Variants in CUL5 observed in about 807,000 individuals in gnomAD.
The protein encoded by CUL5 is cullin 5.
CUL5 carries 26 observed loss-of-function variants against 108.8 expected under a neutral mutation model. The observed-to-expected ratio is 0.24, with a 90% CI of 0.18 to 0.33. The LOEUF (loss-of-function observed/expected upper bound fraction) is 0.33, where lower values mean the gene tolerates loss of function less well. Ranked by LOEUF, CUL5 falls within the 10% of genes least tolerant of loss-of-function variation. The pLI, the probability that CUL5 is intolerant of heterozygous loss-of-function variation, is 1.00. For missense variants in CUL5, 524 were observed against 909.2 expected, an observed-to-expected ratio of 0.58 and a Z score of 5.45; for synonymous variants, 334 against 298.0, an observed-to-expected ratio of 1.12 and a Z score of -1.25.
At chr11:108,033,043 G>A (rs1251766766) in intron 1 of CUL5, among the ~76,000 whole-genome samples, 1 of 152,142 alleles carries the variant, frequency 6.6e-6, no homozygotes, top group Non-Finnish European at 1.5e-5. Context: ...AAGGCTCATA[G>A]CATTTAGTGA....
chr11:108,088,435 TG>T lies in CUL5; in HGVS notation c.1179-91del, dbSNP rs1163696823. ...AACCTGATCACTAGATTATTTAACATGAGAAATTCGCTTGTGAATCATTGAC... is the reference window on the plus strand; with the variant it reads ...AACCTGATCACTAGATTATTTAACATAGAAATTCGCTTGTGAATCATTGAC... On this transcript the variant is annotated intron_variant, in intron 11 of 18. Coordinates refer to ENST00000393094, the MANE Select transcript of CUL5 (RefSeq NM_003478.6). 40 of 1,295,114 alleles carry T rather than the reference TG, an allele frequency of 3.1e-5. No individual in the cohort carries two copies. In the African/African-American group the frequency reaches 6.0e-4, roughly 19 times the overall value. 80.2% of individuals were successfully genotyped at this position (1,295,114 alleles called of 1,614,324 possible). A position where few individuals can be genotyped will look rare whatever the true frequency, so the allele number is the denominator to read the frequency against.
At chr11:108,073,303 A>C in intron 9 of CUL5, 87 bp from the exon 10 acceptor site, 1 of 636,504 alleles carries the variant, frequency 1.6e-6, no homozygotes, top group Non-Finnish European at 2.7e-6. Flanking sequence ...GTTTTAAATG[A>C]GTTTTATTAA....
chr11:108,036,460 A>G (rs1408258282), intron 2 of CUL5, among the ~76,000 whole-genome samples: 3 of 151,990 alleles, frequency 2.0e-5, no homozygotes, highest in African/African-American at 7.2e-5. Flanking sequence ...TCATCTTTCA[A>G]CCCCCCACTT....
chr11:108,094,618 T>G, intron 14 of CUL5, 104 bp downstream of exon 14: 1 of 827,394 alleles, frequency 1.2e-6, no homozygotes, highest in Non-Finnish European at 1.8e-6. Flanking sequence ...TCGAAAGATG[T>G]TATGAAGTCC....
At chr11:108,068,134 T>G (rs1591312200) in intron 7 of CUL5, among the ~76,000 whole-genome samples, 1 of 152,106 alleles carries the variant, frequency 6.6e-6, no homozygotes, top group African/African-American at 2.4e-5. Context: ...GTCAGGCTGG[T>G]CTTGAACTCC....
chr11:108,075,712 G>A (rs2135193969), intron 10 of CUL5, among the ~76,000 whole-genome samples: 1 of 152,202 alleles, frequency 6.6e-6, no homozygotes, highest in Middle Eastern at 3.4e-3. Context: ...GGTTTTTAAA[G>A]TTTTTCTATA....
At chr11:108,062,359 A>T (rs1233379141) in intron 7 of CUL5, among the ~76,000 whole-genome samples, 4 of 151,938 alleles carry the variant, frequency 2.6e-5, no homozygotes, top group Non-Finnish European at 5.9e-5. Context: ...TACCAAACTG[A>T]CTTTCAGGAA....
At chr11:108,085,838 C>T (rs1864208218) in intron 11 of CUL5, among the ~76,000 whole-genome samples, 1 of 152,004 alleles carries the variant, frequency 6.6e-6, no homozygotes, top group Non-Finnish European at 1.5e-5. Context: ...TGTGGGGTTT[C>T]TTTTTGGGGT....
At chr11:108,018,657 G>A (rs1591273127) in intron 1 of CUL5, among the ~76,000 whole-genome samples, 1 of 151,978 alleles carries the variant, frequency 6.6e-6, no homozygotes. Flanking sequence ...CCTGGGTGAC[G>A]GAGTGAGACT....
Position 108,054,868 on chromosome 11 carries a change from T to G in CUL5, c.700-7T>G. ...CTTAAAATGATTGCTATTTTGCTTCTGGACAGGCAGATGCTAAATTAAAAG... is the reference window on the plus strand; with the variant it reads ...CTTAAAATGATTGCTATTTTGCTTCGGGACAGGCAGATGCTAAATTAAAAG... On this transcript the variant is annotated splice_region_variant and splice_polypyrimidine_tract_variant and intron_variant, in intron 6 of 18. Transcript: ENST00000393094. 3 of 1,605,918 alleles carry G rather than the reference T, an allele frequency of 1.9e-6. No individual in the cohort carries two copies. The South Asian group carries it at 3.4e-5, about 18-fold the overall frequency.
intron 9 of CUL5, among the ~76,000 whole-genome samples, chr11:108,072,753 T>TA (rs1863856389): frequency 6.6e-6 from 1 of 152,196 alleles, no homozygotes; most frequent in African/African-American, 2.4e-5. Context: ...ATATAGTAGT[T>TA]ACCCCAATTT....
At chr11:108,009,405 T>C in intron 1 of CUL5, 33 bp downstream of exon 1, 1 of 1,612,678 alleles carries the variant, frequency 6.2e-7, no homozygotes, top group South Asian at 1.1e-5. Flanking sequence ...GGTTTTACTG[T>C]GTGGCCGCCG....
chr11:108,046,495 TTAAA>T (rs1333157765), intron 3 of CUL5, 126 bp downstream of exon 3: 5 of 565,242 alleles, frequency 8.8e-6, no homozygotes, highest in African/African-American at 5.6e-5. Flanking sequence ...GACACATTTG[TTAAA>T]TAAATTTATT....
At chr11:108,017,532 G>A (rs143862736) in intron 1 of CUL5, among the ~76,000 whole-genome samples, 5 of 152,144 alleles carry the variant, frequency 3.3e-5, no homozygotes, top group African/African-American at 1.2e-4. Context: ...CTGGTAATTA[G>A]GGCGGTAGCG....
At chr11:108,084,219 A>G (rs1864170575) in intron 11 of CUL5, among the ~76,000 whole-genome samples, 1 of 152,216 alleles carries the variant, frequency 6.6e-6, no homozygotes, top group Non-Finnish European at 1.5e-5. Context: ...AAAATCAGGT[A>G]AATGTAAAAA....
At position 108,073,404 on chromosome 11, in the gene CUL5, C is replaced by T. The variant is rs774613995; in HGVS notation, c.1020C>T (p.Tyr340=). 1.1e-5 allele frequency: 17 copies of T among 1,546,190 alleles called. No homozygotes were observed. The highest frequency in any genetic ancestry group is 6.0e-5 in the South Asian group (5 of 83,708). ...AETITTDSEK[Y]VEQLLTLFNR... ...TTTGTTTCTAGGACTCTGAGAAATACGTTGAGCAGTTACTTACACTATTTA... is the reference window on the plus strand; with the variant it reads ...TTTGTTTCTAGGACTCTGAGAAATATGTTGAGCAGTTACTTACACTATTTA... The change falls in exon 10 of 19, where the codon TAC becomes TAT. Residue 340 remains tyrosine, a synonymous_variant. Transcript: ENST00000393094.
intron 1 of CUL5, among the ~76,000 whole-genome samples, chr11:108,020,986 C>G (rs973953549): frequency 5.3e-5 from 8 of 152,114 alleles, no homozygotes; most frequent in African/African-American, 1.9e-4. Flanking sequence ...TGTATTTTTA[C>G]TGTACCTTTT....
In CUL5 at chr11:108,052,752, G is replaced by A; in HGVS notation, c.504G>A (p.Leu168=). 6.2e-7 allele frequency: 1 copy of A among 1,613,740 alleles called. No homozygotes were observed. Among genetic ancestry groups the A allele is most frequent in the Non-Finnish European group, 8.5e-7 (1 of 1,179,766 alleles). ...TGAAGCTGGTACATGCTGAGAGATT[G>A]GGAGAAGCTTTTGATTCTCAGCTGG... The part of the protein sequence containing the change: ...SAMKLVHAER[L]GEAFDSQLVI... Residue 168 remains leucine (L), a synonymous_variant, in exon 5 of 19, where the codon TTG becomes TTA. Transcript: ENST00000393094.
At chr11:108,041,312 CTG>C (rs1461018326) in intron 2 of CUL5, among the ~76,000 whole-genome samples, 5 of 149,066 alleles carry the variant, frequency 3.4e-5, no homozygotes, top group African/African-American at 1.2e-4. Flanking sequence ...GACGGAGTCT[CTG>C]TTGCCCAGGC....
Sources: allele counts gnomAD v4.1 joint callset (sites outside exome capture counted in the v4.1 genomes callset), GRCh38; gene constraint gnomAD v4.1.1; transcripts MANE v1.5; gene names NCBI Gene and HGNC (gene_info 2026-07-23, HGNC 2026-07-21).